The following MAPK6 variants were observed in gnomAD, a reference collection of about 807,000 sequenced individuals.
MAPK6 encodes mitogen-activated protein kinase 6, also known as ERK-3.
MAPK6 carries 19 observed loss-of-function variants against 59.3 expected under a neutral mutation model. That is an observed-to-expected ratio of 0.32 (90% confidence interval 0.22 to 0.47). The LOEUF is 0.47. Among genes scored for constraint, MAPK6 ranks in the 20% least tolerant of loss-of-function variants. The probability of loss-of-function intolerance (pLI) is 1.00; values close to 1 mark genes in which losing one functional copy is unlikely to be tolerated. For synonymous variants in MAPK6, 316 were observed against 290.3 expected, an observed-to-expected ratio of 1.09 and a Z score of -0.90; for missense variants, 724 against 847.9, an observed-to-expected ratio of 0.85 and a Z score of 1.81.
chr15:52,002,287 A>C (rs1279291978), intron 2 of MAPK6, among the ~76,000 whole-genome samples: 1 of 152,298 alleles, frequency 6.6e-6, no homozygotes, highest in African/African-American at 2.4e-5. Flanking sequence ...ACCACTAGTG[A>C]AAGTTTTAGT....
intron 2 of MAPK6, among the ~76,000 whole-genome samples, chr15:52,000,631 C>G (rs1018482464): frequency 2.0e-4 from 31 of 152,072 alleles, no homozygotes; most frequent in Non-Finnish European, 2.8e-4. Context: ...TATGGTGAAA[C>G]TCCGTCTCTA....
chr15:52,049,833 G>A (rs1221451934), intron 2 of MAPK6, among the ~76,000 whole-genome samples, 160 bp from the exon 3 acceptor site: 3 of 151,910 alleles, frequency 2.0e-5, no homozygotes, highest in South Asian at 2.1e-4. Context: ...GACTGGTCTC[G>A]AACTCCCGAC....
intron 3 of MAPK6, among the ~76,000 whole-genome samples, chr15:52,005,619 C>T (rs2057256256): frequency 6.6e-6 from 1 of 152,044 alleles, no homozygotes; most frequent in Non-Finnish European, 1.5e-5. Context: ...TAACAGCACC[C>T]CTTATTTAGA....
upstream of MAPK6, among the ~76,000 whole-genome samples, chr15:52,015,725 T>G (rs1435514759): frequency 6.7e-6 from 1 of 149,848 alleles, no homozygotes; most frequent in African/African-American, 2.4e-5. Flanking sequence ...GTGCTGGGAT[T>G]ACAGGCGTGA....
intron 1 of MAPK6, among the ~76,000 whole-genome samples, chr15:51,978,442 G>T (rs1157581483): frequency 6.6e-6 from 1 of 151,854 alleles, no homozygotes; most frequent in Non-Finnish European, 1.5e-5. Context: ...ATTTCAAAAA[G>T]GTAATACGGT....
At chr15:52,030,903 T>C (rs907235458) in intron 1 of MAPK6, among the ~76,000 whole-genome samples, 1 of 151,852 alleles carries the variant, frequency 6.6e-6, no homozygotes. Flanking sequence ...GCAATTCTCG[T>C]GCCTCAGCCT....
intron 2 of MAPK6, among the ~76,000 whole-genome samples, chr15:52,001,356 C>T (rs1381025839): frequency 6.6e-6 from 1 of 152,104 alleles, no homozygotes; most frequent in Non-Finnish European, 1.5e-5. Flanking sequence ...AATTAAGACA[C>T]CCATAGATAT....
At chr15:52,014,859 G>A (rs2030188643), upstream of MAPK6, among the ~76,000 whole-genome samples, 2 of 152,116 alleles carry the variant, frequency 1.3e-5, no homozygotes, top group Non-Finnish European at 2.9e-5. Context: ...AGAAAACAAT[G>A]TTTGCCCTTT....
At chr15:52,020,009 G>C (rs923483724) in intron 1 of MAPK6, 6 of 152,502 alleles carry the variant, frequency 3.9e-5, no homozygotes, top group Admixed American at 6.5e-5. Flanking sequence ...GTCCGCCCAA[G>C]TTTTGAGTCT....
At chr15:52,053,599 ATTGGTTGATTGATTGATTGATTGATTGG>A (rs2031859250) in intron 3 of MAPK6, among the ~76,000 whole-genome samples, 1 of 1,696 alleles carries the variant, frequency 5.9e-4, no homozygotes, top group South Asian at 0.031. Context: ...AGATTGATTG[ATTGGTTGATTGATTGATTGATTGATTGG>A]TTGATTGATT....
At chr15:51,994,752 C>A (rs750211246) in intron 2 of MAPK6, among the ~76,000 whole-genome samples, 2 of 152,232 alleles carry the variant, frequency 1.3e-5, no homozygotes, top group Non-Finnish European at 1.5e-5. Context: ...TGGAAGAACA[C>A]AGCGTTGATT....
At chr15:51,981,983 T>C (rs2057174966) in intron 1 of MAPK6, among the ~76,000 whole-genome samples, 1 of 152,022 alleles carries the variant, frequency 6.6e-6, no homozygotes, top group South Asian at 2.1e-4. Context: ...TTAAGGCACA[T>C]AATAAAATAG....
intron 2 of MAPK6, among the ~76,000 whole-genome samples, chr15:51,994,063 C>T (rs1478402295): frequency 2.6e-5 from 4 of 152,080 alleles, no homozygotes; most frequent in Admixed American, 6.6e-5. Flanking sequence ...TGGGTTCAAG[C>T]GATTCTCCTG....
At chr15:51,971,923 A>C in intron 1 of MAPK6, 7 of 620,858 alleles carry the variant, frequency 1.1e-5, no homozygotes, top group Non-Finnish European at 2.0e-5. Context: ...ATGGTATATA[A>C]GCCCGGCCAT....
At chr15:52,051,411 A>C (rs1596002101) in intron 3 of MAPK6, among the ~76,000 whole-genome samples, 1 of 138,272 alleles carries the variant, frequency 7.2e-6, no homozygotes, top group Middle Eastern at 3.6e-3. Context: ...TGCTAAGAGC[A>C]GAAGGAAAGG....
intron 1 of MAPK6, among the ~76,000 whole-genome samples, chr15:52,021,075 A>G (rs2030508782): frequency 6.6e-6 from 1 of 152,238 alleles, no homozygotes; most frequent in African/African-American, 2.4e-5. Context: ...GTCGTTGGCT[A>G]CTTTCTGTTA....
intron 1 of MAPK6, chr15:52,019,914 G>A (rs1054568011): frequency 6.5e-6 from 1 of 153,044 alleles, no homozygotes; most frequent in Admixed American, 6.5e-5. Context: ...CCCACCCGGT[G>A]ACTCGGCCTC....
chr15:52,047,386 C>G lies in MAPK6; in HGVS notation c.555+371C>G, dbSNP rs188215601. 2.6e-5 allele frequency among the ~76,000 whole-genome samples: 4 copies of G among 152,264 alleles called. No individual in the cohort carries two copies. The South Asian group carries it at 6.2e-4, about 24-fold the overall frequency. ...TTTGAGACAGAGTCTCACTCTGTCACAAAGGGTAGAGTGCTGTGGCGCCAT... is the reference window on the plus strand; with the variant it reads ...TTTGAGACAGAGTCTCACTCTGTCAGAAAGGGTAGAGTGCTGTGGCGCCAT... On this transcript the variant is annotated intron_variant, in intron 2 of 5. Coordinates refer to ENST00000261845, the MANE Select transcript of MAPK6 (RefSeq NM_002748.4).
chr15:52,023,105 T>TAA (rs1426576096), intron 1 of MAPK6, among the ~76,000 whole-genome samples: 1 of 2,750 alleles, frequency 3.6e-4, no homozygotes, highest in African/African-American at 1.6e-3. Context: ...AGACTCCGTC[T>TAA]CAAAAAAAAA....
Sources: gnomAD v4.1 joint callset for allele counts (sites outside exome capture counted in the v4.1 genomes callset) on GRCh38, gnomAD v4.1.1 for gene constraint, MANE v1.5 for transcripts, NCBI Gene and HGNC (gene_info 2026-07-23, HGNC 2026-07-21) for gene names.